Variants in RBFOX1 observed in about 807,000 individuals in gnomAD.
RBFOX1 encodes the protein RNA binding protein fox-1 homolog 1.
RBFOX1 carries 8 observed loss-of-function variants against 57.7 expected under a neutral mutation model. That is an observed-to-expected ratio of 0.14 (90% CI 0.08 to 0.25). The LOEUF (loss-of-function observed/expected upper bound fraction) is 0.25, where lower values mean the gene tolerates loss of function less well. Ranked by LOEUF, RBFOX1 falls within the 10% of genes least tolerant of loss-of-function variation. The pLI, the probability that RBFOX1 is intolerant of heterozygous loss-of-function variation, is 1.00. For synonymous variants in RBFOX1, 326 were observed against 222.4 expected (o/e 1.47, Z -4.15); for missense variants, 611 against 548.5 (o/e 1.11, Z -1.14).
intron 1 of RBFOX1, among the ~76,000 whole-genome samples, chr16:6,190,929 G>A (rs968177902): frequency 5.9e-5 from 9 of 152,022 alleles, no homozygotes; most frequent in Non-Finnish European, 1.2e-4. Flanking sequence ...ATGACAACAC[G>A]CCGGGGGCTC....
At chr16:7,386,882 A>T (rs1291254525) in intron 4 of RBFOX1, among the ~76,000 whole-genome samples, 1 of 152,132 alleles carries the variant, frequency 6.6e-6, no homozygotes, top group Non-Finnish European at 1.5e-5. Context: ...CATCCTCTCC[A>T]GCATCTGTTG....
intron 1 of RBFOX1, among the ~76,000 whole-genome samples, chr16:6,150,386 C>T (rs941398998): frequency 3.9e-5 from 6 of 152,110 alleles, no homozygotes; most frequent in Non-Finnish European, 7.3e-5. Context: ...GAGGATCTAT[C>T]TCAAGGCATG....
chr16:5,776,294 T>C lies in RBFOX1; in HGVS notation c.319-91009T>C, dbSNP rs1201469635. On this transcript the variant is annotated intron_variant, in intron 3 of 19. Transcript: ENST00000641259. Reference sequence around the variant, plus strand: ...TACCCCATTCTGGGGAAGTGTCTTATGTAATATTTTCTCACAGGCCACGCT... The same window carrying C: ...TACCCCATTCTGGGGAAGTGTCTTACGTAATATTTTCTCACAGGCCACGCT... Among the ~76,000 whole-genome samples the C allele has an allele frequency of 4.6e-5, 7 of 152,366 alleles. No homozygotes were observed. In the East Asian group the frequency reaches 9.6e-4, roughly 21 times the overall value.
intron 4 of RBFOX1, among the ~76,000 whole-genome samples, chr16:7,402,587 G>A (rs1483591955): frequency 6.6e-6 from 1 of 152,140 alleles, no homozygotes; most frequent in Non-Finnish European, 1.5e-5. Flanking sequence ...TTATTCCTTG[G>A]TTTCCAGATC....
chr16:7,204,883 T>G (rs1172976261), intron 4 of RBFOX1, among the ~76,000 whole-genome samples: 1 of 152,244 alleles, frequency 6.6e-6, no homozygotes, highest in Admixed American at 6.5e-5. Flanking sequence ...TGTTCTTGAC[T>G]GTTTTGGATA....
intron 3 of RBFOX1, among the ~76,000 whole-genome samples, chr16:6,992,200 G>A (rs916978044): frequency 6.7e-6 from 1 of 148,452 alleles, no homozygotes; most frequent in African/African-American, 2.5e-5. Flanking sequence ...GTCTCACTCT[G>A]TTGCACAGGC....
chr16:5,366,062 G>T, intron 1 of RBFOX1: 1 of 474,328 alleles, frequency 2.1e-6, no homozygotes, highest in South Asian at 1.6e-5. Flanking sequence ...GTTTCCCTTG[G>T]GGCTTTGAAA....
At chr16:5,870,219 C>T (rs1270810598) in intron 4 of RBFOX1, among the ~76,000 whole-genome samples, 1 of 150,838 alleles carries the variant, frequency 6.6e-6, no homozygotes, top group Non-Finnish European at 1.5e-5. Flanking sequence ...GTGGTTACCT[C>T]TGGGAGGCGT....
chr16:6,747,380 C>G (rs77273502), intron 3 of RBFOX1, among the ~76,000 whole-genome samples: 1 of 151,532 alleles, frequency 6.6e-6, no homozygotes, highest in Non-Finnish European at 1.5e-5. Context: ...GCCCTCCAGA[C>G]TGGGCGACAG....
intron 4 of RBFOX1, among the ~76,000 whole-genome samples, chr16:6,000,881 G>T (rs2060587441): frequency 7.6e-6 from 1 of 131,684 alleles, no homozygotes; most frequent in South Asian, 3.0e-4. Flanking sequence ...GAATGGGTGG[G>T]TGGATAGGTA....
chr16:6,432,442 C>G (rs540184168), intron 2 of RBFOX1, among the ~76,000 whole-genome samples: 1 of 150,966 alleles, frequency 6.6e-6, no homozygotes, highest in Non-Finnish European at 1.5e-5. Flanking sequence ...GAGGGCAAGG[C>G]GGGCGGATCA....
intron 3 of RBFOX1, among the ~76,000 whole-genome samples, chr16:6,992,348 G>C (rs566327401): frequency 6.6e-6 from 1 of 152,146 alleles, no homozygotes; most frequent in African/African-American, 2.4e-5. Context: ...TTTCCCAGTA[G>C]CTGGGACTAC....
chr16:6,007,560 C>G (rs933451634), intron 4 of RBFOX1, among the ~76,000 whole-genome samples: 1 of 152,208 alleles, frequency 6.6e-6, no homozygotes, highest in African/African-American at 2.4e-5. Flanking sequence ...CCCATAGGCA[C>G]TGTGAGTTAA....
chr16:7,427,191 C>G (rs79015659), intron 4 of RBFOX1, among the ~76,000 whole-genome samples: 1 of 152,070 alleles, frequency 6.6e-6, no homozygotes, highest in Non-Finnish European at 1.5e-5. Context: ...GTGCAGCACA[C>G]CAACATGGCA....
intron 12 of RBFOX1, among the ~76,000 whole-genome samples, chr16:7,660,518 C>A (rs1035612925): frequency 6.6e-6 from 1 of 152,194 alleles, no homozygotes; most frequent in East Asian, 1.9e-4. Flanking sequence ...TATTTGGATA[C>A]ATTTTTGGAA....
chr16:6,006,318 G>C (rs939720325), intron 4 of RBFOX1, among the ~76,000 whole-genome samples: 1 of 151,696 alleles, frequency 6.6e-6, no homozygotes, highest in Non-Finnish European at 1.5e-5. Context: ...CCGGGTATGT[G>C]ATCCCATCTG....
chr16:6,628,574 A>G (rs2098340958), intron 2 of RBFOX1, among the ~76,000 whole-genome samples: 1 of 152,114 alleles, frequency 6.6e-6, no homozygotes, highest in African/African-American at 2.4e-5. Flanking sequence ...TTTTTTATGC[A>G]TTTCAAAGTG....
chr16:5,928,951 G>A (rs180884627), intron 4 of RBFOX1, among the ~76,000 whole-genome samples: 1 of 150,806 alleles, frequency 6.6e-6, no homozygotes, highest in African/African-American at 2.4e-5. Context: ...AGGGATGCTC[G>A]CCTCAAAAGG....
In RBFOX1 at chr16:5,866,216, A is replaced by C. The variant is rs533563841; in HGVS notation, c.319-1087A>C. Among the ~76,000 whole-genome samples the C allele has an allele frequency of 9.1e-4, 138 of 152,168 alleles. 1 individual carries two copies. Among genetic ancestry groups the C allele is most frequent in the Middle Eastern group, 6.8e-3 (2 of 294 alleles). On this transcript the variant is annotated intron_variant, in intron 3 of 19. Coordinates refer to the RBFOX1 transcript ENST00000641259. ...ACTCCTGACCTCACATGATCCACCT[A>C]TCTCGGCCTCCCAAAGTTCTGGGAT...
Sources: allele counts gnomAD v4.1 joint callset (sites outside exome capture counted in the v4.1 genomes callset), GRCh38; gene constraint gnomAD v4.1.1; transcripts MANE v1.5; gene names NCBI Gene and HGNC (gene_info 2026-07-23, HGNC 2026-07-21).